SCAPER: variants seen among roughly 807,000 people sequenced by gnomAD.
SCAPER encodes S phase cyclin A-associated protein in the endoplasmic reticulum.
Under a neutral mutation model 182.2 loss-of-function variants are expected in SCAPER, and 98 were observed. The observed-to-expected ratio is 0.54, with a 90% CI of 0.46 to 0.64. The LOEUF is 0.64. Ranked by LOEUF, SCAPER falls within the 30% of genes least tolerant of loss-of-function variation. SCAPER has a pLI of 0.00. For synonymous variants in SCAPER, 605 were observed against 564.6 expected, an observed-to-expected ratio of 1.07 and a Z score of -1.01; for missense variants, 1,432 against 1,690.0, an observed-to-expected ratio of 0.85 and a Z score of 2.68.
At chr15:76,448,840 A>G (rs1211317229) in intron 25 of SCAPER, among the ~76,000 whole-genome samples, 2 of 152,186 alleles carry the variant, frequency 1.3e-5, no homozygotes, top group African/African-American at 2.4e-5. Context: ...CAGTGTGGAA[A>G]TGAAAAGAAT....
At chr15:76,498,678 A>G (rs943178098) in intron 24 of SCAPER, 1 of 152,226 alleles carries the variant, frequency 6.6e-6, no homozygotes, top group Non-Finnish European at 1.5e-5. Context: ...CAGAGCATCT[A>G]GCACAGTGCT....
intron 24 of SCAPER, among the ~76,000 whole-genome samples, chr15:76,482,913 T>G (rs1288808378): frequency 6.6e-6 from 1 of 152,150 alleles, no homozygotes; most frequent in African/African-American, 2.4e-5. Flanking sequence ...TCAATAATGT[T>G]AAGATGTCAG....
intron 29 of SCAPER, among the ~76,000 whole-genome samples, chr15:76,356,538 A>G (rs933448995): frequency 6.6e-6 from 1 of 152,162 alleles, no homozygotes; most frequent in African/African-American, 2.4e-5. Context: ...TGAACAAAAT[A>G]CGCATAATTA....
chr15:76,781,471 T>C (rs1447477829), intron 8 of SCAPER, among the ~76,000 whole-genome samples: 3 of 152,170 alleles, frequency 2.0e-5, no homozygotes, highest in South Asian at 2.1e-4. Context: ...CTCTTCAGGA[T>C]ATTATCCAGG....
intron 14 of SCAPER, among the ~76,000 whole-genome samples, chr15:76,760,961 G>A (rs749425737): frequency 3.3e-5 from 5 of 152,100 alleles, no homozygotes; most frequent in Non-Finnish European, 7.4e-5. Context: ...ATGTTTCATA[G>A]AATTGATCAG....
chr15:76,723,321 C>T (rs1484164390), intron 17 of SCAPER, among the ~76,000 whole-genome samples: 5 of 152,104 alleles, frequency 3.3e-5, no homozygotes, highest in Admixed American at 6.6e-5. Context: ...TCTTCTTTTA[C>T]ATTTGCTGAG....
At chr15:76,656,574 A>C (rs1052030996) in intron 21 of SCAPER, among the ~76,000 whole-genome samples, 6 of 152,152 alleles carry the variant, frequency 3.9e-5, no homozygotes, top group Non-Finnish European at 5.9e-5. Flanking sequence ...AGAACTCTCC[A>C]CCCCAAAACA....
chr15:76,710,443 G>A (rs2059500931), intron 17 of SCAPER, among the ~76,000 whole-genome samples: 1 of 152,064 alleles, frequency 6.6e-6, no homozygotes, highest in Non-Finnish European at 1.5e-5. Context: ...ATTAAAAACA[G>A]AGTTGTAGAA....
chr15:76,526,058 A>C (rs1464210009), intron 23 of SCAPER, among the ~76,000 whole-genome samples: 2 of 152,186 alleles, frequency 1.3e-5, no homozygotes, highest in Non-Finnish European at 2.9e-5. Context: ...GAACATTGTC[A>C]ATAATTAATA....
At chr15:76,714,996 G>A (rs1023025689) in intron 17 of SCAPER, among the ~76,000 whole-genome samples, 5 of 152,062 alleles carry the variant, frequency 3.3e-5, no homozygotes, top group Admixed American at 6.6e-5. Context: ...CCACCCAGCA[G>A]CATGACATCC....
In SCAPER at chr15:76,593,922, C is replaced by T. The variant is rs2049312263; in HGVS notation, c.2712-19638G>A. On this transcript the variant is annotated intron_variant, in intron 22 of 31. Coordinates refer to ENST00000563290, the MANE Select transcript of SCAPER (RefSeq NM_020843.4). ...AAACACCAGAAGGCCTCTTCTCCTC[C>T]AAAGGATCACAGCTCCTTGCCAGCA... is the stretch of plus-strand genomic sequence containing the variant. Among the ~76,000 whole-genome samples the T allele has an allele frequency of 1.7e-5, 2 of 120,858 alleles. 1 individual carries two copies. Among genetic ancestry groups the T allele is most frequent in the Non-Finnish European group, 4.0e-5 (2 of 49,898 alleles). 79.3% of individuals were successfully genotyped at this position (120,858 alleles called of 152,430 possible). A position where few individuals can be genotyped will look rare whatever the true frequency, so the allele number is the denominator to read the frequency against.
chr15:76,567,401 T>C, intron 23 of SCAPER: 1 of 447,462 alleles, frequency 2.2e-6, no homozygotes, highest in Non-Finnish European at 4.5e-6. Flanking sequence ...CCATACAGTA[T>C]ATACCTAGAA....
At chr15:76,729,281 C>A (rs1036604906) in intron 16 of SCAPER, among the ~76,000 whole-genome samples, 4 of 141,236 alleles carry the variant, frequency 2.8e-5, no homozygotes, top group Non-Finnish European at 6.0e-5. Context: ...CACACACACA[C>A]ATATATATAC....
Position 76,383,219 on chromosome 15 carries a change from A to T in SCAPER, c.3468-1604T>A, listed in dbSNP as rs1019664645. 4.6e-5 allele frequency among the ~76,000 whole-genome samples: 7 copies of T among 152,222 alleles called. No individual in the cohort carries two copies. In the South Asian group the frequency reaches 1.5e-3, roughly 32 times the overall value. ...GATGGGAGACAGTCCTTGAAGAACTATGCTTACTTCATTATCTTTCCTAGA... is the reference window on the plus strand; with the variant it reads ...GATGGGAGACAGTCCTTGAAGAACTTTGCTTACTTCATTATCTTTCCTAGA... On this transcript the variant is annotated intron_variant, in intron 27 of 31. Transcript: ENST00000563290.
intron 5 of SCAPER, among the ~76,000 whole-genome samples, chr15:76,805,857 G>A (rs752266728): frequency 9.9e-5 from 15 of 152,034 alleles, no homozygotes; most frequent in Admixed American, 2.0e-4. Context: ...GTGATCCACC[G>A]TGCCCAGCCG....
At chr15:76,403,989 G>A (rs903895581) in intron 27 of SCAPER, among the ~76,000 whole-genome samples, 4 of 152,178 alleles carry the variant, frequency 2.6e-5, no homozygotes, top group African/African-American at 7.2e-5. Flanking sequence ...CTGGCACACT[G>A]GCTTTCACTA....
chr15:76,696,211 T>C (rs935058159), intron 20 of SCAPER, among the ~76,000 whole-genome samples: 1 of 152,238 alleles, frequency 6.6e-6, no homozygotes, highest in Non-Finnish European at 1.5e-5. Flanking sequence ...TTGATCTCAA[T>C]GCCAGGCGCA....
intron 7 of SCAPER, among the ~76,000 whole-genome samples, chr15:76,799,210 G>A (rs2065567189): frequency 6.6e-6 from 1 of 151,898 alleles, no homozygotes; most frequent in Non-Finnish European, 1.5e-5. Flanking sequence ...CATAAAATAT[G>A]TGAGTTTTAA....
chr15:76,893,600 C>T lies in SCAPER; in HGVS notation c.-59-9724G>A, dbSNP rs59242281. 4.3e-3 allele frequency among the ~76,000 whole-genome samples: 652 copies of T among 152,220 alleles called. 6 individuals are homozygous for T. The highest frequency in any genetic ancestry group is 0.015 in the African/African-American group (621 of 41,532). On this transcript the variant is annotated intron_variant, in intron 1 of 31. Coordinates refer to ENST00000563290, the MANE Select transcript of SCAPER (RefSeq NM_020843.4). Reference sequence around the variant, plus strand: ...AACAGACATATGCAGAACATTCCATCCAACAGCAGCAGAATATACAACATT... The same window carrying T: ...AACAGACATATGCAGAACATTCCATTCAACAGCAGCAGAATATACAACATT...
Sources: allele counts gnomAD v4.1 joint callset (sites outside exome capture counted in the v4.1 genomes callset), GRCh38; gene constraint gnomAD v4.1.1; transcripts MANE v1.5; gene names NCBI Gene and HGNC (gene_info 2026-07-23, HGNC 2026-07-21).